Variants in ASCC1 observed in about 807,000 individuals in gnomAD.
The protein encoded by ASCC1 is ASC-1 complex subunit P50.
ASCC1 carries 35 observed loss-of-function variants against 46.6 expected under a neutral mutation model. The observed-to-expected ratio is 0.75, with a 90% confidence interval of 0.57 to 0.99. ASCC1 has a LOEUF of 0.99. Ranked by LOEUF, ASCC1 falls within the 50% of genes least tolerant of loss-of-function variation. The probability of loss-of-function intolerance (pLI) is 0.00; values close to 1 mark genes in which losing one functional copy is unlikely to be tolerated. For missense variants in ASCC1, 376 were observed against 428.7 expected (o/e 0.88, Z 1.09); for synonymous variants, 143 against 146.6 (o/e 0.98, Z 0.18).
intron 7 of ASCC1, among the ~76,000 whole-genome samples, chr10:72,147,295 C>G (rs978201134): frequency 6.6e-6 from 1 of 151,842 alleles, no homozygotes; most frequent in Admixed American, 6.6e-5. Flanking sequence ...GTTCTGTTAC[C>G]CAGGCTAGAG....
intron 5 of ASCC1, among the ~76,000 whole-genome samples, chr10:72,170,841 AT>A (rs1156747589): frequency 6.6e-6 from 1 of 152,146 alleles, no homozygotes; most frequent in African/African-American, 2.4e-5. Flanking sequence ...TAACATTATT[AT>A]GCAAAAAAAA....
rs774983612 is a variant in ASCC1, at chr10:72,210,837, C to A, written c.113-6G>T. 12 of 1,613,028 alleles carry A rather than the reference C, an allele frequency of 7.4e-6. No individual in the cohort carries two copies. In the Admixed American group the frequency reaches 1.5e-4, roughly 20 times the overall value. On this transcript the variant is annotated splice_polypyrimidine_tract_variant and splice_region_variant and intron_variant, in intron 2 of 9. Transcript: ENST00000672957. ...ATCAGCACACTCCATGGAGCCTGCA[C>A]AGAAACCATCACATCTCACTCAGAA...
chr10:72,121,048 G>A (rs1047480960), intron 9 of ASCC1, among the ~76,000 whole-genome samples: 5 of 151,878 alleles, frequency 3.3e-5, no homozygotes, highest in African/African-American at 1.2e-4. Flanking sequence ...AAACATCAAT[G>A]GTCTAAATAC....
chr10:72,133,523 G>C, intron 7 of ASCC1: 1 of 272,138 alleles, frequency 3.7e-6, no homozygotes, highest in Non-Finnish European at 7.2e-6. Context: ...GGGAAGGAGG[G>C]GCACTTCAAG....
intron 9 of ASCC1, among the ~76,000 whole-genome samples, chr10:72,113,564 C>T (rs1036665657): frequency 6.6e-6 from 1 of 152,202 alleles, no homozygotes; most frequent in South Asian, 2.1e-4. Context: ...ACATAAGACA[C>T]ATTTAAAAAT....
chr10:72,196,849 G>C lies in ASCC1; in HGVS notation c.451C>G (p.Leu151Val), dbSNP rs1855506617. The change falls in exon 5 of 10, where the codon CTG becomes GTG. Residue 151 changes from leucine (L) to valine (V), a missense_variant. Coordinates refer to ENST00000672957, the MANE Select transcript of ASCC1 (RefSeq NM_001198800.3). The part of the protein sequence containing the change: ...LNEVEVQEGF[L>V]RFQEEVLAKC... The stretch of plus-strand genomic sequence containing the variant: ...GCCAGTACTTCCTCCTGGAATCTCA[G>C]GAATCCTTCCTGAACCTCAACTTCA... The C allele has an allele frequency of 6.2e-7, 1 of 1,613,272 alleles. No homozygotes were observed. The highest frequency in any genetic ancestry group is 8.5e-7 in the Non-Finnish European group (1 of 1,179,992).
chr10:72,191,728 C>G (rs1854537285), intron 5 of ASCC1, among the ~76,000 whole-genome samples: 1 of 151,828 alleles, frequency 6.6e-6, no homozygotes, highest in Non-Finnish European at 1.5e-5. Context: ...CTCACTGCAA[C>G]CTCCGCCTCC....
At position 72,096,476 on chromosome 10, in the gene ASCC1, A is replaced by G. The variant is rs943430560; in HGVS notation, c.*858T>C. 6.8e-5 allele frequency: 31 copies of G among 454,050 alleles called. No individual in the cohort carries two copies. The Admixed American group carries it at 7.3e-4, about 11-fold the overall frequency. 28.1% of individuals were successfully genotyped at this position (454,050 alleles called of 1,614,324 possible). On this transcript the variant is annotated 3_prime_UTR_variant, in exon 10 of 10. Transcript: ENST00000672957. ...GTGAAGGAACAGGAATCCAACAAAT[A>G]TTAAGAGGACAAACTTTGGTAGGAA...
rs753821436 is a variant in ASCC1, at chr10:72,096,427, T to C, written c.*907A>G. 2.2e-6 allele frequency: 1 copy of C among 453,916 alleles called. No individual in the cohort carries two copies. Among genetic ancestry groups the C allele is most frequent in the African/African-American group, 2.0e-5 (1 of 49,966 alleles). The allele number at this position is 453,916 out of a possible 1,614,324, so 28.1% of individuals were successfully genotyped here. A position where few individuals can be genotyped will look rare whatever the true frequency, so the allele number is the denominator to read the frequency against. On this transcript the variant is annotated 3_prime_UTR_variant, in exon 10 of 10. Transcript: ENST00000672957. Reference sequence around the variant, plus strand: ...CAACACTGCAACTCCATCAGGGGCATGGGAAGATGAGGGTGGGGATGGGGT... The same window carrying C: ...CAACACTGCAACTCCATCAGGGGCACGGGAAGATGAGGGTGGGGATGGGGT...
intron 9 of ASCC1, among the ~76,000 whole-genome samples, chr10:72,125,475 T>G (rs534204017): frequency 7.9e-5 from 12 of 152,250 alleles, no homozygotes; most frequent in African/African-American, 2.4e-4. Context: ...TCACTGGTTT[T>G]CTAAATCCTG....
intron 5 of ASCC1, among the ~76,000 whole-genome samples, chr10:72,180,562 GT>G (rs1852453143): frequency 6.6e-6 from 1 of 152,134 alleles, no homozygotes; most frequent in South Asian, 2.1e-4. Context: ...GGAGGCGGAG[GT>G]TGCAGTGAGC....
Position 72,187,172 on chromosome 10 carries a change from G to A in ASCC1, c.489+9639C>T, listed in dbSNP as rs193014923. 1.0e-3 allele frequency among the ~76,000 whole-genome samples: 155 copies of A among 152,134 alleles called. 3 individuals carry two copies. Among genetic ancestry groups the A allele is most frequent in the African/African-American group, 3.1e-3 (129 of 41,488 alleles). On this transcript the variant is annotated intron_variant, in intron 5 of 9. Transcript: ENST00000672957. ...CCCACCCTCCATTCCCACTAAGAACGAAGTCATCTTGTTATGAAATGTTAA... is the reference window on the plus strand; with the variant it reads ...CCCACCCTCCATTCCCACTAAGAACAAAGTCATCTTGTTATGAAATGTTAA...
intron 9 of ASCC1, among the ~76,000 whole-genome samples, chr10:72,117,029 T>G (rs917679004): frequency 6.6e-6 from 1 of 152,140 alleles, no homozygotes; most frequent in South Asian, 2.1e-4. Flanking sequence ...ACCTCCCAGG[T>G]TGAAGCGATT....
At chr10:72,196,670 A>T in intron 5 of ASCC1, 141 bp downstream of exon 5, 1 of 848,234 alleles carries the variant, frequency 1.2e-6, no homozygotes, top group Non-Finnish European at 1.8e-6. Flanking sequence ...TTTCAGTTCA[A>T]TATAAGAAGC....
At chr10:72,204,484 T>C in intron 3 of ASCC1, 17 of 1,550,476 alleles carry the variant, frequency 1.1e-5, no homozygotes, top group Non-Finnish European at 1.4e-5. Flanking sequence ...CACAGTCGTT[T>C]GATGTGTTCA....
At chr10:72,204,313 C>A in intron 3 of ASCC1, 1 of 1,276,406 alleles carries the variant, frequency 7.8e-7, no homozygotes, top group Non-Finnish European at 1.1e-6. Context: ...GGACTCATGG[C>A]AACAGCGAGC....
intron 9 of ASCC1, among the ~76,000 whole-genome samples, chr10:72,108,217 C>T (rs1409063710): frequency 1.3e-5 from 2 of 151,940 alleles, no homozygotes; most frequent in African/African-American, 2.4e-5. Flanking sequence ...GCTGAGACTA[C>T]AGGTGCATGC....
chr10:72,131,265 G>A (rs1198930343), intron 8 of ASCC1, among the ~76,000 whole-genome samples: 7 of 151,914 alleles, frequency 4.6e-5, no homozygotes, highest in African/African-American at 1.4e-4. Context: ...CTAAAAATAC[G>A]AAAATTAGCT....
At chr10:72,197,527 T>C (rs1165797178) in intron 4 of ASCC1, among the ~76,000 whole-genome samples, 1 of 100,890 alleles carries the variant, frequency 9.9e-6, no homozygotes, top group Non-Finnish European at 2.1e-5. Context: ...AGTAGAAAAA[T>C]GAATTCAAGT....
Sources: allele counts gnomAD v4.1 joint callset (sites outside exome capture counted in the v4.1 genomes callset), GRCh38; gene constraint gnomAD v4.1.1; transcripts MANE v1.5; gene names NCBI Gene and HGNC (gene_info 2026-07-23, HGNC 2026-07-21).